Variants in KCNK12 observed in about 807,000 individuals in gnomAD.
KCNK12 encodes the protein potassium channel subfamily K member 12.
A neutral mutation model predicts 25.3 loss-of-function variants in KCNK12; 6 were observed. That is an observed-to-expected ratio of 0.24 (90% CI 0.13 to 0.47). The LOEUF (loss-of-function observed/expected upper bound fraction) is 0.47. Ranked by LOEUF, KCNK12 falls within the 20% of genes least tolerant of loss-of-function variation. The pLI is 0.99. For missense variants in KCNK12, 444 were observed against 661.7 expected (o/e 0.67, Z 3.61); for synonymous variants, 331 against 311.1 (o/e 1.06, Z -0.67).
At position 47,555,330 on chromosome 2, in the gene KCNK12, CT is replaced by C. The variant is rs1669529867; in HGVS notation, c.391+14610del. On this transcript the variant is annotated intron_variant, in intron 1 of 1. Transcript: ENST00000327876. This position sits in a 1 kb window ranked among gnomAD's most constrained non-coding sequence, Gnocchi z 4.5. ...TGCAAAGAAAGCTCCTTATCCTCCC[CT>C]ATCTGCCTAAAGGCAGGACATAAAT... Among the ~76,000 whole-genome samples the C allele has an allele frequency of 6.6e-6, 1 of 152,244 alleles. No individual in the cohort carries two copies. The highest frequency in any genetic ancestry group is 1.5e-5 in the Non-Finnish European group (1 of 68,044).
Position 47,518,638 on chromosome 2 carries a change from G to A in KCNK12, c.*2269C>T, listed in dbSNP as rs185448323. ...CTGCACGCTGGGCGGGGGATTGCCT[G>A]GAGGTTTCTTTAGACCTGTCTAGCT... is the stretch of plus-strand genomic sequence containing the variant. On this transcript the variant is annotated 3_prime_UTR_variant, in exon 2 of 2. Coordinates refer to ENST00000327876, the MANE Select transcript of KCNK12 (RefSeq NM_022055.2). The surrounding 1 kb of genome is among the most constrained non-coding windows in gnomAD (Gnocchi z 4.1). The A allele has an allele frequency of 5.0e-4, 76 of 152,524 alleles. No individual in the cohort carries two copies. The highest frequency in any genetic ancestry group is 9.4e-4 in the Non-Finnish European group (64 of 68,208). 9.4% of individuals were successfully genotyped at this position (152,524 alleles called of 1,614,324 possible). A position where few individuals can be genotyped will look rare whatever the true frequency, so the allele number is the denominator to read the frequency against.
intron 1 of KCNK12, among the ~76,000 whole-genome samples, chr2:47,561,553 G>A (rs1202577778): frequency 2.0e-5 from 3 of 152,124 alleles, no homozygotes; most frequent in Non-Finnish European, 4.4e-5. Flanking sequence ...TGAGCTACAG[G>A]GAAGGAAATG....
chr2:47,534,440 C>CT (rs397767805), intron 1 of KCNK12, among the ~76,000 whole-genome samples: 1 of 143,180 alleles, frequency 7.0e-6, no homozygotes, highest in African/African-American at 2.7e-5. Context: ...AGGCCCCCCC[C>CT]ACCGCCACCC....
In KCNK12 at chr2:47,510,560, G is replaced by A. The variant is rs986508854; in HGVS notation, c.*10347C>T. 2.6e-5 allele frequency among the ~76,000 whole-genome samples: 4 copies of A among 152,058 alleles called. No individual in the cohort carries two copies. The highest frequency in any genetic ancestry group is 9.7e-5 in the African/African-American group (4 of 41,386). On this transcript the variant is annotated 3_prime_UTR_variant, in exon 2 of 2. Coordinates refer to ENST00000327876, the MANE Select transcript of KCNK12 (RefSeq NM_022055.2). The stretch of plus-strand genomic sequence containing the variant: ...TCAAGGCTCCAGGATCTGCCCTGGG[G>A]GCTATCTCAACACCCCTACACTCTC...
chr2:47,570,505 C>T lies in KCNK12; in HGVS notation c.-174G>A. On this transcript the variant is annotated 5_prime_UTR_variant, in exon 1 of 2. Transcript: ENST00000327876. ...TCCCAGAGCCCGGACAGAGGGGCGC[C>T]TCCGCCTCCTCCCCGGCGCTCAGGC... The T allele has an allele frequency of 1.7e-6, 1 of 575,568 alleles. No homozygotes were observed. Among genetic ancestry groups the T allele is most frequent in the Non-Finnish European group, 2.5e-6 (1 of 404,982 alleles). 35.7% of individuals were successfully genotyped at this position (575,568 alleles called of 1,614,324 possible). A position where few individuals can be genotyped will look rare whatever the true frequency, so the allele number is the denominator to read the frequency against.
Position 47,569,316 on chromosome 2 carries a change from G to T in KCNK12, c.391+625C>A, listed in dbSNP as rs1316486884. ...GCTGGGAGCTGGGGGAGAACACAAG[G>T]AAGGGAGGCAGAACAACAGCAGCTG... On this transcript the variant is annotated intron_variant, in intron 1 of 1. Transcript: ENST00000327876. The surrounding 1 kb of genome is among the most constrained non-coding windows in gnomAD (Gnocchi z 4.1). Among the ~76,000 whole-genome samples the T allele has an allele frequency of 6.6e-6, 1 of 152,036 alleles. No individual in the cohort carries two copies. The highest frequency in any genetic ancestry group is 1.5e-5 in the Non-Finnish European group (1 of 67,988).
rs1446915367 is a variant in KCNK12, at chr2:47,528,832, A to G, written c.392-7024T>C. Among the ~76,000 whole-genome samples, 1 of 152,142 alleles carries G rather than the reference A, an allele frequency of 6.6e-6. No individual in the cohort carries two copies. The highest frequency in any genetic ancestry group is 2.4e-5 in the African/African-American group (1 of 41,416). ...CGGAGTTCAGCTCAGAGAGCATGGA[A>G]GTGAGATGGAGAGGCCAGCACTGAT... On this transcript the variant is annotated intron_variant, in intron 1 of 1. Coordinates refer to ENST00000327876, the MANE Select transcript of KCNK12 (RefSeq NM_022055.2). The surrounding 1 kb of genome is among the most constrained non-coding windows in gnomAD (Gnocchi z 4.5).
chr2:47,540,704 T>C lies in KCNK12; in HGVS notation c.392-18896A>G, dbSNP rs1669179002. On this transcript the variant is annotated intron_variant, in intron 1 of 1. Transcript: ENST00000327876. This position sits in a 1 kb window ranked among gnomAD's most constrained non-coding sequence, Gnocchi z 5.4. ...ACTTTGGGAGGCCAAGGCAGGGGGA[T>C]TGCTTGAGGCCAGGAGTTTGGGACC... Among the ~76,000 whole-genome samples the C allele has an allele frequency of 6.6e-6, 1 of 152,192 alleles. No homozygotes were observed. Among genetic ancestry groups the C allele is most frequent in the African/African-American group, 2.4e-5 (1 of 41,434 alleles).
In KCNK12 at chr2:47,512,288, TCTC is replaced by T. The variant is rs746841805; in HGVS notation, c.*8616_*8618del. The T allele has an allele frequency of 5.0e-6, 8 of 1,612,018 alleles. No individual in the cohort carries two copies. In the South Asian group the frequency reaches 7.7e-5, roughly 16 times the overall value. On this transcript the variant is annotated 3_prime_UTR_variant, in exon 2 of 2. Coordinates refer to ENST00000327876, the MANE Select transcript of KCNK12 (RefSeq NM_022055.2). Reference sequence around the variant, plus strand: ...GGAACTCCTACATTTTCTCCTCTCTTCTCCTTCCTTTCAGAACCTCAGAGTGAC... The same window carrying T: ...GGAACTCCTACATTTTCTCCTCTCTTCTTCCTTTCAGAACCTCAGAGTGAC...
chr2:47,541,746 T>G (rs569038581), intron 1 of KCNK12, among the ~76,000 whole-genome samples: 3 of 152,248 alleles, frequency 2.0e-5, no homozygotes, highest in Admixed American at 6.5e-5. Context: ...CGTGAAGATA[T>G]GGAGAAGGTG....
At position 47,569,094 on chromosome 2, in the gene KCNK12, G is replaced by C. The variant is rs1669838395; in HGVS notation, c.391+847C>G. On this transcript the variant is annotated intron_variant, in intron 1 of 1. Coordinates refer to ENST00000327876, the MANE Select transcript of KCNK12 (RefSeq NM_022055.2). The surrounding 1 kb of genome is among the most constrained non-coding windows in gnomAD (Gnocchi z 4.1). ...CAGCAATCTGGCCACAGAGGGAGGG[G>C]TGGGGGCCTGAAGGAGTATTGACAC... 6.6e-6 allele frequency among the ~76,000 whole-genome samples: 1 copy of C among 151,972 alleles called. No individual in the cohort carries two copies. The highest frequency in any genetic ancestry group is 1.5e-5 in the Non-Finnish European group (1 of 68,016).
Position 47,527,264 on chromosome 2 carries a change from G to A in KCNK12, c.392-5456C>T, listed in dbSNP as rs1443350608. On this transcript the variant is annotated intron_variant, in intron 1 of 1. Coordinates refer to ENST00000327876, the MANE Select transcript of KCNK12 (RefSeq NM_022055.2). ...AGAGTTGTGACTCCCATCCTTAAGA[G>A]TCCTCTGTCCTCTCTGGCCTCCTTT... Among the ~76,000 whole-genome samples, 5 of 152,170 alleles carry A rather than the reference G, an allele frequency of 3.3e-5. No individual in the cohort carries two copies. The East Asian group carries it at 9.6e-4, about 29-fold the overall frequency.
At position 47,555,078 on chromosome 2, in the gene KCNK12, A is replaced by G. The variant is rs766597489; in HGVS notation, c.391+14863T>C. ...GGATATAGCAGGAATCAGGAGTTCT[A>G]TTTTGGGCTTTTAAAAGTTTTGATA... is the stretch of plus-strand genomic sequence containing the variant. On this transcript the variant is annotated intron_variant, in intron 1 of 1. Coordinates refer to ENST00000327876, the MANE Select transcript of KCNK12 (RefSeq NM_022055.2). This position sits in a 1 kb window ranked among gnomAD's most constrained non-coding sequence, Gnocchi z 4.5. Among the ~76,000 whole-genome samples, 1 of 152,192 alleles carries G rather than the reference A, an allele frequency of 6.6e-6. No individual in the cohort carries two copies. Among genetic ancestry groups the G allele is most frequent in the Non-Finnish European group, 1.5e-5 (1 of 68,028 alleles).
chr2:47,530,943 G>C (rs1558551045), intron 1 of KCNK12, among the ~76,000 whole-genome samples: 1 of 152,192 alleles, frequency 6.6e-6, no homozygotes, highest in Non-Finnish European at 1.5e-5. Context: ...GAAGGAGCTT[G>C]CAATGTGATA....
rs1669343155 is a variant in KCNK12, at chr2:47,547,721, C to T, written c.391+22220G>A. 6.6e-6 allele frequency among the ~76,000 whole-genome samples: 1 copy of T among 152,156 alleles called. No homozygotes were observed. The highest frequency in any genetic ancestry group is 6.5e-5 in the Admixed American group (1 of 15,272). The stretch of plus-strand genomic sequence containing the variant: ...CAAGCGAGTCTCCTGCCTCAGCCTC[C>T]CAAATAGCTGGGATTAGAGGCATCT... On this transcript the variant is annotated intron_variant, in intron 1 of 1. Transcript: ENST00000327876. The surrounding 1 kb of genome is among the most constrained non-coding windows in gnomAD (Gnocchi z 5.0).
intron 1 of KCNK12, among the ~76,000 whole-genome samples, chr2:47,523,601 G>A (rs55667007): frequency 0.12 from 18,273 of 152,228 alleles, 1,274 homozygotes; most frequent in Non-Finnish European, 0.16. Flanking sequence ...TGCCATCCAG[G>A]GCAGTGCAGA....
chr2:47,522,891 C>T (rs988089175), intron 1 of KCNK12, among the ~76,000 whole-genome samples: 1 of 152,038 alleles, frequency 6.6e-6, no homozygotes, highest in Non-Finnish European at 1.5e-5. Flanking sequence ...TCATATGTGC[C>T]CAATTTTTTT....
chr2:47,547,627 TCA>T lies in KCNK12; in HGVS notation c.391+22312_391+22313del, dbSNP rs1669341117. The stretch of plus-strand genomic sequence containing the variant: ...ATTTATTTACTTTTGAGATGGAGTC[TCA>T]TTCTGTCACCCAGGCTGGAGTGCAG... On this transcript the variant is annotated intron_variant, in intron 1 of 1. Coordinates refer to ENST00000327876, the MANE Select transcript of KCNK12 (RefSeq NM_022055.2). The surrounding 1 kb of genome is among the most constrained non-coding windows in gnomAD (Gnocchi z 5.0). 6.6e-6 allele frequency among the ~76,000 whole-genome samples: 1 copy of T among 152,094 alleles called. No individual in the cohort carries two copies. Among genetic ancestry groups the T allele is most frequent in the African/African-American group, 2.4e-5 (1 of 41,404 alleles).
chr2:47,524,616 G>T (rs1299703442), intron 1 of KCNK12, among the ~76,000 whole-genome samples: 1 of 152,182 alleles, frequency 6.6e-6, no homozygotes, highest in Non-Finnish European at 1.5e-5. Flanking sequence ...GCATGGCAGG[G>T]GGTAGTAGCT....
Sources: gnomAD v4.1 joint callset for allele counts (sites outside exome capture counted in the v4.1 genomes callset) on GRCh38, gnomAD v4.1.1 for gene constraint, Gnocchi (gnomAD v3.1) non-coding constraint, MANE v1.5 for transcripts, NCBI Gene and HGNC (gene_info 2026-07-23, HGNC 2026-07-21) for gene names.